The following RINT1 variants were observed in gnomAD, a reference collection of about 807,000 sequenced individuals.
RINT1 encodes the protein RAD50-interacting protein 1.
Under a neutral mutation model 97.7 loss-of-function variants are expected in RINT1, and 75 were observed. The ratio of observed to expected loss-of-function variants is 0.77; its 90% CI spans 0.64 to 0.93. The LOEUF (loss-of-function observed/expected upper bound fraction) is 0.93. Among genes scored for constraint, RINT1 ranks in the 40% least tolerant of loss-of-function variants. The pLI is 0.00. For missense variants in RINT1, 892 were observed against 925.2 expected, an observed-to-expected ratio of 0.96 and a Z score of 0.47; for synonymous variants, 303 against 326.3, an observed-to-expected ratio of 0.93 and a Z score of 0.77.
At chr7:105,559,562 A>G (rs1306104137) in intron 11 of RINT1, among the ~76,000 whole-genome samples, 2 of 149,636 alleles carry the variant, frequency 1.3e-5, no homozygotes, top group African/African-American at 2.5e-5. Flanking sequence ...AAAAAAAAAA[A>G]AAAAAAGAAA....
At position 105,548,549 on chromosome 7, in the gene RINT1, G is replaced by A. The variant is rs113947297; in HGVS notation, c.840-5G>A. ...GATTCTTTTTCCTTGACTTGATTAT[G>A]TCAGAGATGAATTACTTACTGAGCC... On this transcript the variant is annotated splice_region_variant and splice_polypyrimidine_tract_variant and intron_variant, in intron 6 of 14. Coordinates refer to ENST00000257700, the MANE Select transcript of RINT1 (RefSeq NM_021930.6). 0.032 allele frequency: 51,846 copies of A among 1,613,462 alleles called. 1,149 individuals are homozygous for A. Among genetic ancestry groups the A allele is most frequent in the Non-Finnish European group, 0.037 (43,094 of 1,179,478 alleles).
chr7:105,548,022 T>G (rs1049450873), intron 6 of RINT1, among the ~76,000 whole-genome samples: 1 of 151,774 alleles, frequency 6.6e-6, no homozygotes, highest in African/African-American at 2.4e-5. Context: ...CCACTGCACC[T>G]GGCTCATTTT....
intron 11 of RINT1, among the ~76,000 whole-genome samples, chr7:105,562,134 G>C (rs1791465347): frequency 1.3e-5 from 2 of 152,224 alleles, no homozygotes; most frequent in East Asian, 3.9e-4. Context: ...AAACTCTTCT[G>C]CTTTTTCCGG....
intron 10 of RINT1, among the ~76,000 whole-genome samples, chr7:105,553,911 T>TTTC (rs1791055037): frequency 7.6e-6 from 1 of 131,762 alleles, no homozygotes; most frequent in Non-Finnish European, 1.6e-5. Flanking sequence ...TTTTTTTTTT[T>TTTC]TTTTTGAGAT....
intron 1 of RINT1, among the ~76,000 whole-genome samples, chr7:105,532,582 T>C (rs818621): frequency 0.25 from 38,389 of 151,948 alleles, 5,823 homozygotes; most frequent in African/African-American, 0.42. Context: ...GGGAGGTGGC[T>C]CTAGTGAGCA....
Position 105,550,133 on chromosome 7 carries a change from T to G in RINT1, c.1075T>G (p.Leu359Val). The G allele has an allele frequency of 1.2e-6, 2 of 1,613,808 alleles. No homozygotes were observed. The highest frequency in any genetic ancestry group is 1.7e-6 in the Non-Finnish European group (2 of 1,179,730). The change falls in exon 8 of 15, where the codon TTA becomes GTA. Residue 359 changes from leucine to valine, a missense_variant. Transcript: ENST00000257700. ...EFLDEKIQPILDKVGSLVNAR... is the reference protein window; with the variant it reads ...EFLDEKIQPIVDKVGSLVNAR... ...TCTGGATGAGAAGATTCAGCCAATA[T>G]TAGACAAAGTAGGCTCTTTGGTAAA...
rs535074193 is a variant in RINT1, at chr7:105,567,610, C to A, written c.*299C>A. The A allele has an allele frequency of 2.0e-5, 11 of 561,296 alleles. No individual in the cohort carries two copies. The South Asian group carries it at 2.8e-4, about 14-fold the overall frequency. The allele number at this position is 561,296 out of a possible 1,614,324, so 34.8% of individuals were successfully genotyped here. On this transcript the variant is annotated 3_prime_UTR_variant, in exon 15 of 15. Coordinates refer to ENST00000257700, the MANE Select transcript of RINT1 (RefSeq NM_021930.6). ...TTAAATTATAACCAACTTTCAATTT[C>A]CTGTGCTAATTAAGGGAAATTCTGT...
rs146871880 is a variant in RINT1, at chr7:105,556,024, T to C, written c.1671+797T>C. 1.8e-3 allele frequency among the ~76,000 whole-genome samples: 266 copies of C among 150,780 alleles called. 2 individuals are homozygous for C. Among genetic ancestry groups the C allele is most frequent in the African/African-American group, 6.2e-3 (256 of 41,226 alleles). ...ATTTTCAAATATATGCAAGAGTAAATAGAATAGGAAAATGAACTTCTGTGG... is the reference window on the plus strand; with the variant it reads ...ATTTTCAAATATATGCAAGAGTAAACAGAATAGGAAAATGAACTTCTGTGG... On this transcript the variant is annotated intron_variant, in intron 11 of 14. Coordinates refer to ENST00000257700, the MANE Select transcript of RINT1 (RefSeq NM_021930.6).
intron 11 of RINT1, 47 bp from the exon 12 acceptor site, chr7:105,563,686 T>G: frequency 2.7e-6 from 4 of 1,464,362 alleles, no homozygotes; most frequent in Non-Finnish European, 3.8e-6. Context: ...TATTTCAAAC[T>G]GTTAAAAAAA....
intron 3 of RINT1, among the ~76,000 whole-genome samples, chr7:105,541,282 G>A (rs1025715090): frequency 2.0e-5 from 3 of 151,010 alleles, no homozygotes; most frequent in African/African-American, 4.9e-5. Context: ...ATTACAAGGT[G>A]TGTGCCACCA....
chr7:105,534,666 T>C (rs190234861), intron 2 of RINT1, among the ~76,000 whole-genome samples: 1 of 151,974 alleles, frequency 6.6e-6, no homozygotes, highest in Admixed American at 6.6e-5. Flanking sequence ...AGTTGGAAAA[T>C]TGAGGCATAG....
chr7:105,565,366 T>G lies in RINT1; in HGVS notation c.1976T>G (p.Leu659Ter). 6.2e-7 allele frequency: 1 copy of G among 1,614,238 alleles called. No individual in the cohort carries two copies. The highest frequency in any genetic ancestry group is 1.3e-5 in the African/African-American group (1 of 75,080). Residue 659 changes from leucine (L) to a stop codon, truncating the protein, a stop_gained, in exon 13 of 15, where the codon TTA (leucine) becomes TGA (stop). Transcript: ENST00000257700. LOFTEE classifies it high-confidence loss of function. The stretch of plus-strand genomic sequence containing the variant: ...TTGCTGCTGACGTTACGAGACCATT[T>G]ACTTCAGTTGGAGCAGCAGCTTTGT... ...CPLLLTLRDH[L>*]LQLEQQLCFS...
At chr7:105,539,606 C>T (rs182808409) in intron 3 of RINT1, among the ~76,000 whole-genome samples, 1 of 152,096 alleles carries the variant, frequency 6.6e-6, no homozygotes, top group East Asian at 1.9e-4. Flanking sequence ...GTGATCTGCC[C>T]GAAAGTGGAT....
At chr7:105,542,679 A>T (rs774012254) in intron 4 of RINT1, 30 bp downstream of exon 4, 1 of 1,604,436 alleles carries the variant, frequency 6.2e-7, no homozygotes, top group Non-Finnish European at 8.5e-7. Context: ...TCTCACAATT[A>T]CTATTTTCCT....
rs746885260 is a variant in RINT1, at chr7:105,532,393, G to A, written c.42+36G>A. On this transcript the variant is annotated intron_variant, in intron 1 of 14. Coordinates refer to ENST00000257700, the MANE Select transcript of RINT1 (RefSeq NM_021930.6). ...CCTGGCGTCCCTGGGAGGGGACATT[G>A]GTGGCCCATTGAGGTGGCACAGACC... 5 of 1,589,190 alleles carry A rather than the reference G, an allele frequency of 3.1e-6. No individual in the cohort carries two copies. The South Asian group carries it at 5.7e-5, about 18-fold the overall frequency.
intron 2 of RINT1, among the ~76,000 whole-genome samples, chr7:105,536,009 TG>T (rs1790215313): frequency 6.6e-6 from 1 of 152,256 alleles, no homozygotes; most frequent in African/African-American, 2.4e-5. Flanking sequence ...TTAAGCATTT[TG>T]CAGTAGTTGT....
rs138957640 is a variant in RINT1, at chr7:105,555,206, A to G, written c.1650A>G (p.Leu550=). ...LNAVNYISTV[L]ADWADNVFFL... ...CTGTGAACTACATCTCAACAGTACT[A>G]GCAGATTGGGCTGACAATGTTGTGA... Residue 550 remains leucine, a synonymous_variant, in exon 11 of 15, where the codon CTA becomes CTG. Transcript: ENST00000257700. 7.4e-6 allele frequency: 12 copies of G among 1,613,674 alleles called. No homozygotes were observed. In the Admixed American group the frequency reaches 1.7e-4, roughly 22 times the overall value.
chr7:105,561,686 C>T (rs1023867937), intron 11 of RINT1, among the ~76,000 whole-genome samples: 5 of 151,914 alleles, frequency 3.3e-5, no homozygotes, highest in South Asian at 4.2e-4. Flanking sequence ...CTCAGCCTCC[C>T]GAGTAGCTGG....
chr7:105,555,290 T>C, intron 11 of RINT1, 63 bp downstream of exon 11: 2 of 1,352,438 alleles, frequency 1.5e-6, no homozygotes, highest in Non-Finnish European at 2.0e-6. Context: ...ATTAATACTT[T>C]TCAAAATGTT....
Sources: allele counts gnomAD v4.1 joint callset (sites outside exome capture counted in the v4.1 genomes callset), GRCh38; gene constraint gnomAD v4.1.1; transcripts MANE v1.5; gene names NCBI Gene and HGNC (gene_info 2026-07-23, HGNC 2026-07-21).